The following R3HDM2 variants were observed in gnomAD, a reference collection of about 807,000 sequenced individuals.
The protein encoded by R3HDM2 is R3H domain containing 2.
Under a neutral mutation model 124.5 loss-of-function variants are expected in R3HDM2, and 38 were observed. The ratio of observed to expected loss-of-function variants is 0.31; its 90% confidence interval spans 0.24 to 0.40. The LOEUF is 0.40. Among genes scored for constraint, R3HDM2 ranks in the 10% least tolerant of loss-of-function variants. The probability of loss-of-function intolerance (pLI) is 1.00; values close to 1 mark genes in which losing one functional copy is unlikely to be tolerated. For synonymous variants in R3HDM2, 391 were observed against 448.0 expected (o/e 0.87, Z 1.61); for missense variants, 869 against 1,236.9 (o/e 0.70, Z 4.46).
chr12:57,265,627 CT>C lies in R3HDM2; in HGVS notation c.2131+1103del, dbSNP rs535601671. 5.3e-4 allele frequency among the ~76,000 whole-genome samples: 81 copies of C among 151,666 alleles called. No homozygotes were observed. In the South Asian group the frequency reaches 0.016, roughly 29 times the overall value. ...AGGGCTGAGGCAACCAATGTCATTT[CT>C]TTTTTTTTCCCCCTAGAGACAGGGT... On this transcript the variant is annotated intron_variant, in intron 19 of 23. Transcript: ENST00000402412.
At chr12:57,312,924 G>A (rs1454172120) in intron 2 of R3HDM2, among the ~76,000 whole-genome samples, 2 of 122,518 alleles carry the variant, frequency 1.6e-5, no homozygotes, top group Non-Finnish European at 3.2e-5. Context: ...GCAAGACTCT[G>A]GCTCAAAAAA....
intron 19 of R3HDM2, among the ~76,000 whole-genome samples, chr12:57,259,727 AGTTCCTAT>A (rs1489005006): frequency 3.9e-5 from 6 of 152,238 alleles, no homozygotes; most frequent in Non-Finnish European, 8.8e-5. Context: ...GCTATGTGCT[AGTTCCTAT>A]GTTGGGCACT....
rs1038083366 is a variant in R3HDM2 at position 57,296,244 on chromosome 12, C to A, written c.701+167G>T. Among the ~76,000 whole-genome samples the A allele has an allele frequency of 6.6e-6, 1 of 151,536 alleles. No individual in the cohort carries two copies. Among genetic ancestry groups the A allele is most frequent in the Non-Finnish European group, 1.5e-5 (1 of 67,932 alleles). ...TGTTGACCAGGCTGGTCTCGAACTC[C>A]TGGCTTCAAGCAGTCTTCCCATCTT... On this transcript the variant is annotated intron_variant, in intron 9 of 23. Coordinates refer to ENST00000402412, the MANE Select transcript of R3HDM2 (RefSeq NM_001394031.1). This position sits in a 1 kb window ranked among gnomAD's most constrained non-coding sequence, Gnocchi z 4.5.
chr12:57,366,298 G>A (rs1359328547), intron 2 of R3HDM2, among the ~76,000 whole-genome samples: 3 of 152,122 alleles, frequency 2.0e-5, no homozygotes, highest in Non-Finnish European at 4.4e-5. Flanking sequence ...GGGATTATGT[G>A]TTGGTATGAG....
intron 2 of R3HDM2, among the ~76,000 whole-genome samples, chr12:57,386,322 G>T (rs113192810): frequency 6.6e-6 from 1 of 152,220 alleles, no homozygotes. Flanking sequence ...GGAGAGGCAC[G>T]GGCGGGAACC....
intron 12 of R3HDM2, among the ~76,000 whole-genome samples, chr12:57,285,893 A>C (rs532871521): frequency 6.6e-6 from 1 of 152,152 alleles, no homozygotes; most frequent in Non-Finnish European, 1.5e-5. Flanking sequence ...CTAGGGCCAA[A>C]ATGGCAGCAC....
chr12:57,292,904 C>A (rs1295873856), intron 10 of R3HDM2, among the ~76,000 whole-genome samples: 1 of 151,546 alleles, frequency 6.6e-6, no homozygotes, highest in Non-Finnish European at 1.5e-5. Flanking sequence ...CTCCCACCCC[C>A]GCAGTATCAA....
In R3HDM2 at chr12:57,261,757, C is replaced by CAAA. The variant is rs35440132; in HGVS notation, c.2132-2701_2132-2699dup. On this transcript the variant is annotated intron_variant, in intron 19 of 23. Coordinates refer to ENST00000402412, the MANE Select transcript of R3HDM2 (RefSeq NM_001394031.1). ...TGTCACTACTTCTTAATAGACGTGG[C>CAAA]AAAAAAAAAAAAAAAAAAAAACCCT... Among the ~76,000 whole-genome samples the CAAA allele has an allele frequency of 1.1e-3, 94 of 81,764 alleles. 3 individuals carry two copies. The highest frequency in any genetic ancestry group is 2.9e-3 in the African/African-American group (66 of 22,380). The allele number at this position is 81,764 out of a possible 152,430, so 53.6% of individuals were successfully genotyped here.
chr12:57,381,227 G>A (rs1415768919), intron 2 of R3HDM2, among the ~76,000 whole-genome samples: 5 of 150,820 alleles, frequency 3.3e-5, no homozygotes, highest in South Asian at 4.2e-4. Context: ...GCGAAACTCC[G>A]TCTCAAAAAA....
At chr12:57,382,830 C>T (rs954917858) in intron 2 of R3HDM2, among the ~76,000 whole-genome samples, 3 of 151,642 alleles carry the variant, frequency 2.0e-5, no homozygotes, top group African/African-American at 4.8e-5. Flanking sequence ...AGAGAGACTC[C>T]ATCTCAAAAA....
chr12:57,269,497 G>A (rs201369189), intron 15 of R3HDM2, 48 bp from the exon 16 acceptor site: 258 of 1,602,606 alleles, frequency 1.6e-4, no homozygotes, highest in African/African-American at 2.3e-4. Context: ...AAATTCAGCC[G>A]CAACATCAGC....
chr12:57,386,348 G>A (rs921243638), intron 2 of R3HDM2, among the ~76,000 whole-genome samples: 1 of 152,252 alleles, frequency 6.6e-6, no homozygotes, highest in Non-Finnish European at 1.5e-5. Flanking sequence ...TGCCCATGGC[G>A]CTTGCGGGCC....
chr12:57,267,403 A>G (rs1275830466), intron 18 of R3HDM2, among the ~76,000 whole-genome samples: 1 of 152,172 alleles, frequency 6.6e-6, no homozygotes, highest in Non-Finnish European at 1.5e-5. Context: ...AAAAATACAA[A>G]AATTAGCTGG....
At position 57,309,221 on chromosome 12, in the gene R3HDM2, G is replaced by A. The variant is rs758028963; in HGVS notation, c.165+1043C>T. Among the ~76,000 whole-genome samples, 16 of 152,252 alleles carry A rather than the reference G, an allele frequency of 1.1e-4. No homozygotes were observed. In the South Asian group the frequency reaches 1.2e-3, roughly 12 times the overall value. ...AGACCCTCTAAAATGTTGTTGTTCC[G>A]GTGTTTTAATCTAACTTCTTGCTAG... is the stretch of plus-strand genomic sequence containing the variant. On this transcript the variant is annotated intron_variant, in intron 3 of 23. Transcript: ENST00000402412.
At chr12:57,426,005 A>G (rs906409911) in intron 1 of R3HDM2, among the ~76,000 whole-genome samples, 1 of 152,194 alleles carries the variant, frequency 6.6e-6, no homozygotes, top group African/African-American at 2.4e-5. Context: ...AGGCGGGCAG[A>G]TCACCTGAGG....
chr12:57,292,997 C>T (rs938334426), intron 10 of R3HDM2, among the ~76,000 whole-genome samples: 1 of 151,702 alleles, frequency 6.6e-6, no homozygotes, highest in Non-Finnish European at 1.5e-5. Context: ...AGAAAATAGC[C>T]CTGGGAAAAG....
intron 2 of R3HDM2, among the ~76,000 whole-genome samples, chr12:57,320,095 C>A (rs548218331): frequency 6.6e-6 from 1 of 151,480 alleles, no homozygotes; most frequent in East Asian, 1.9e-4. Flanking sequence ...CCCGTTTCTA[C>A]TAAAAATACA....
intron 22 of R3HDM2, 38 bp downstream of exon 22, chr12:57,256,376 G>A (rs537584753): frequency 6.9e-7 from 1 of 1,453,688 alleles, no homozygotes; most frequent in South Asian, 1.3e-5. Flanking sequence ...TAAGAAGAGG[G>A]GTCTGATGGC....
chr12:57,305,623 A>C (rs1475573067), intron 3 of R3HDM2: 1 of 398,882 alleles, frequency 2.5e-6, no homozygotes, highest in African/African-American at 2.1e-5. Flanking sequence ...GAGGATATGG[A>C]GATAAAAGGC....
Sources: gnomAD v4.1 joint callset for allele counts (sites outside exome capture counted in the v4.1 genomes callset) on GRCh38, gnomAD v4.1.1 for gene constraint, Gnocchi (gnomAD v3.1) non-coding constraint, MANE v1.5 for transcripts, NCBI Gene and HGNC (gene_info 2026-07-23, HGNC 2026-07-21) for gene names.